ZNF385D: variants seen among roughly 807,000 people sequenced by gnomAD.
ZNF385D encodes the protein zinc finger protein 385D, also known as zinc finger protein 659.
In ZNF385D, 15 loss-of-function variants were observed where a neutral mutation model predicts 35.8. The ratio of observed to expected loss-of-function variants is 0.42; its 90% CI spans 0.28 to 0.64. The LOEUF (loss-of-function observed/expected upper bound fraction) is 0.64, where lower values mean the gene tolerates loss of function less well. Ranked by LOEUF, ZNF385D falls within the 30% of genes least tolerant of loss-of-function variation. The pLI is 0.23. For synonymous variants in ZNF385D, 212 were observed against 186.8 expected, an observed-to-expected ratio of 1.13 and a Z score of -1.10; for missense variants, 474 against 494.6, an observed-to-expected ratio of 0.96 and a Z score of 0.39.
chr3:22,326,510 T>C (rs9861023), intron 2 of ZNF385D, among the ~76,000 whole-genome samples: 34,661 of 151,982 alleles, frequency 0.23, 4,679 homozygotes, highest in Non-Finnish European at 0.32. Flanking sequence ...GTATTTTCCA[T>C]GCACAGGATA....
intron 3 of ZNF385D, among the ~76,000 whole-genome samples, chr3:21,842,003 TAATA>T (rs1337587778): frequency 1.3e-5 from 2 of 151,722 alleles, no homozygotes; most frequent in African/African-American, 4.8e-5. Flanking sequence ...TGTATTTGTA[TAATA>T]TATAAAATGG....
chr3:21,976,826 G>A lies in ZNF385D; in HGVS notation c.325+191991C>T, dbSNP rs141663512. On this transcript the variant is annotated intron_variant, in intron 3 of 5. Transcript: ENST00000494108. ...GCCAACATGGTGAAACCCCATCTCT[G>A]CTAAAAATACAAAAATTAGCCAGTT... Among the ~76,000 whole-genome samples, 1,411 of 152,082 alleles carry A rather than the reference G, an allele frequency of 9.3e-3. 25 individuals are homozygous for A. Among genetic ancestry groups the A allele is most frequent in the African/African-American group, 0.031 (1,291 of 41,478 alleles).
At chr3:22,035,702 A>G (rs1263298000) in intron 3 of ZNF385D, among the ~76,000 whole-genome samples, 2 of 152,248 alleles carry the variant, frequency 1.3e-5, no homozygotes, top group East Asian at 3.9e-4. Context: ...AAAACAAGCA[A>G]TGGGCCATGA....
At chr3:21,541,482 C>A (rs1559385707) in intron 3 of ZNF385D, among the ~76,000 whole-genome samples, 1 of 152,020 alleles carries the variant, frequency 6.6e-6, no homozygotes, top group Non-Finnish European at 1.5e-5. Context: ...GAGGATAGGG[C>A]TCAGTAAAAA....
At chr3:22,113,913 A>G (rs939551962) in intron 3 of ZNF385D, among the ~76,000 whole-genome samples, 15 of 152,142 alleles carry the variant, frequency 9.9e-5, no homozygotes, top group Non-Finnish European at 2.2e-4. Context: ...AGAAAGGTCT[A>G]AATAAAAATA....
chr3:22,243,594 T>C (rs1385163929), intron 2 of ZNF385D, among the ~76,000 whole-genome samples: 4 of 150,840 alleles, frequency 2.7e-5, no homozygotes, highest in African/African-American at 4.9e-5. Flanking sequence ...ATTATGACAA[T>C]GGAAATGCCA....
At chr3:22,247,411 C>T (rs1191997303) in intron 2 of ZNF385D, among the ~76,000 whole-genome samples, 1 of 151,928 alleles carries the variant, frequency 6.6e-6, no homozygotes, top group Admixed American at 6.6e-5. Context: ...ATGCTGATTA[C>T]TAATTTAAGC....
chr3:22,114,514 G>A (rs1181795541), intron 3 of ZNF385D, among the ~76,000 whole-genome samples: 2 of 152,006 alleles, frequency 1.3e-5, no homozygotes, highest in Non-Finnish European at 2.9e-5. Flanking sequence ...AGTGATCTCA[G>A]GAAGCATTAG....
rs374917939 is a variant in ZNF385D, at chr3:21,419,460, T to C, written c.*1754A>G. ...CAAATGGTTTCCTCTTGATTCTTTA[T>C]ACCTCTCCAAGGGTTACAACACTTT... On this transcript the variant is annotated 3_prime_UTR_variant, in exon 8 of 8. Coordinates refer to ENST00000281523, the MANE Select transcript of ZNF385D (RefSeq NM_024697.3). 4.6e-5 allele frequency: 7 copies of C among 152,298 alleles called. No individual in the cohort carries two copies. The highest frequency in any genetic ancestry group is 3.9e-4 in the East Asian group (2 of 5,180). 9.4% of individuals were successfully genotyped at this position (152,298 alleles called of 1,614,324 possible). A position where few individuals can be genotyped will look rare whatever the true frequency, so the allele number is the denominator to read the frequency against.
At chr3:21,879,065 G>A (rs543457455) in intron 3 of ZNF385D, among the ~76,000 whole-genome samples, 1 of 152,024 alleles carries the variant, frequency 6.6e-6, no homozygotes, top group South Asian at 2.1e-4. Flanking sequence ...TTCATCATTT[G>A]AATACTTCTC....
chr3:22,144,919 T>C (rs976369303), intron 3 of ZNF385D, among the ~76,000 whole-genome samples: 3 of 152,154 alleles, frequency 2.0e-5, no homozygotes, highest in Non-Finnish European at 2.9e-5. Context: ...ATGAAAAACA[T>C]ATAAAATATT....
At chr3:21,482,037 A>G (rs532078336) in intron 4 of ZNF385D, among the ~76,000 whole-genome samples, 10 of 152,196 alleles carry the variant, frequency 6.6e-5, no homozygotes, top group African/African-American at 1.9e-4. Context: ...CTGACCTTCA[A>G]TAATTGTATT....
chr3:21,851,937 T>C (rs1295582620), intron 3 of ZNF385D, among the ~76,000 whole-genome samples: 1 of 152,082 alleles, frequency 6.6e-6, no homozygotes, highest in East Asian at 1.9e-4. Context: ...CCTTGTCTTG[T>C]TGCCCTGTTA....
chr3:22,168,916 G>A lies in ZNF385D; in HGVS notation c.226C>T (p.Gln76Ter). ...TGTGCTTGAGCGGCTGAATTCAGCT[G>A]AATGTTACATACATTGCACAAAGTA... The change falls in exon 3 of 6, where the codon CAG becomes TAG. Residue 76 changes from glutamine (Q) to a stop codon, truncating the protein, a stop_gained. Transcript: ENST00000494108. LOFTEE classifies it high-confidence loss of function. 2.0e-6 allele frequency: 2 copies of A among 985,828 alleles called. No individual in the cohort carries two copies. Among genetic ancestry groups the A allele is most frequent in the Non-Finnish European group, 2.4e-6 (2 of 829,934 alleles). The allele number at this position is 985,828 out of a possible 1,614,324, so 61.1% of individuals were successfully genotyped here.
At chr3:22,141,678 G>A (rs1704512797) in intron 3 of ZNF385D, among the ~76,000 whole-genome samples, 1 of 152,150 alleles carries the variant, frequency 6.6e-6, no homozygotes, top group Admixed American at 6.5e-5. Flanking sequence ...GGAGGAGGAG[G>A]AGGAGGGTAG....
chr3:21,567,337 T>C (rs1056939600), intron 2 of ZNF385D, among the ~76,000 whole-genome samples: 1 of 152,158 alleles, frequency 6.6e-6, no homozygotes, highest in Non-Finnish European at 1.5e-5. Context: ...TCTCTACATA[T>C]ACTGCCAAGT....
chr3:21,524,075 A>G (rs1490680472), intron 3 of ZNF385D, among the ~76,000 whole-genome samples: 1 of 152,218 alleles, frequency 6.6e-6, no homozygotes, highest in Non-Finnish European at 1.5e-5. Context: ...CAAATGCACG[A>G]TTGGAGATTT....
intron 3 of ZNF385D, among the ~76,000 whole-genome samples, chr3:21,888,994 C>T (rs1000428200): frequency 6.6e-6 from 1 of 152,214 alleles, no homozygotes; most frequent in African/African-American, 2.4e-5. Context: ...ACTCAGGAAA[C>T]TATAGATGAC....
At chr3:22,024,375 G>C (rs114969627) in intron 3 of ZNF385D, among the ~76,000 whole-genome samples, 2,791 of 152,130 alleles carry the variant, frequency 0.018, 34 homozygotes, top group Non-Finnish European at 0.03. Flanking sequence ...CCCTCTGAGA[G>C]AACCCTAATA....
Sources: allele counts gnomAD v4.1 joint callset (sites outside exome capture counted in the v4.1 genomes callset), GRCh38; gene constraint gnomAD v4.1.1; transcripts MANE v1.5; gene names NCBI Gene and HGNC (gene_info 2026-07-23, HGNC 2026-07-21).